The following DNAJC2 variants were observed in gnomAD, a reference collection of about 807,000 sequenced individuals.
DNAJC2 encodes the protein DnaJ heat shock protein family (Hsp40) member C2, also known as dnaJ homolog subfamily C member 2.
Under a neutral mutation model 94.0 loss-of-function variants are expected in DNAJC2, and 32 were observed. The ratio of observed to expected loss-of-function variants is 0.34; its 90% CI spans 0.26 to 0.46. The LOEUF (loss-of-function observed/expected upper bound fraction) is 0.46, where lower values mean the gene tolerates loss of function less well. Among genes scored for constraint, DNAJC2 ranks in the 20% least tolerant of loss-of-function variants. The pLI, the probability that DNAJC2 is intolerant of heterozygous loss-of-function variation, is 1.00. For synonymous variants in DNAJC2, 210 were observed against 229.7 expected, an observed-to-expected ratio of 0.91 and a Z score of 0.77; for missense variants, 550 against 719.5, an observed-to-expected ratio of 0.76 and a Z score of 2.69.
At position 103,323,681 on chromosome 7, in the gene DNAJC2, A is replaced by G; in HGVS notation, c.654-18T>C. On this transcript the variant is annotated intron_variant, in intron 6 of 16. Transcript: ENST00000379263. Reference sequence around the variant, plus strand: ...AATTATACCTAATATAGACAGAAATAATACATGATCAAGACAGAATAAATG... The same window carrying G: ...AATTATACCTAATATAGACAGAAATGATACATGATCAAGACAGAATAAATG... The G allele has an allele frequency of 7.2e-7, 1 of 1,386,834 alleles. No individual in the cohort carries two copies. Among genetic ancestry groups the G allele is most frequent in the Middle Eastern group, 1.8e-4 (1 of 5,408 alleles). The allele number at this position is 1,386,834 out of a possible 1,614,324, so 85.9% of individuals were successfully genotyped here.
Position 103,320,617 on chromosome 7 carries a change from G to A in DNAJC2, c.1084-773C>T, listed in dbSNP as rs183252822. Among the ~76,000 whole-genome samples the A allele has an allele frequency of 3.9e-3, 590 of 151,050 alleles. 3 individuals carry two copies. The highest frequency in any genetic ancestry group is 6.8e-3 in the Non-Finnish European group (460 of 67,692). ...CTACTAAAAATCCAAAAAATTAGCC[G>A]GGCGTGGTCCCAGCTACTCGGGAGG... is the stretch of plus-strand genomic sequence containing the variant. On this transcript the variant is annotated intron_variant, in intron 10 of 16. Coordinates refer to ENST00000379263, the MANE Select transcript of DNAJC2 (RefSeq NM_014377.3).
At chr7:103,344,483 C>T in intron 1 of DNAJC2, 76 bp downstream of exon 1, 3 of 1,548,610 alleles carry the variant, frequency 1.9e-6, no homozygotes, top group Non-Finnish European at 2.7e-6. Context: ...GTAGAGAGAG[C>T]CCAGGGTTGC....
chr7:103,332,636 C>T (rs1203367661), intron 3 of DNAJC2, among the ~76,000 whole-genome samples: 5 of 146,840 alleles, frequency 3.4e-5, no homozygotes, highest in Admixed American at 6.8e-5. Context: ...TTTTTTTTTG[C>T]GGGGGAGGGG....
At position 103,344,308 on chromosome 7, in the gene DNAJC2, C is replaced by T. The variant is rs982970564; in HGVS notation, c.64+251G>A. The T allele has an allele frequency of 6.9e-6, 4 of 577,564 alleles. No individual in the cohort carries two copies. The South Asian group carries it at 8.5e-5, about 12-fold the overall frequency. 35.8% of individuals were successfully genotyped at this position (577,564 alleles called of 1,614,324 possible). A position where few individuals can be genotyped will look rare whatever the true frequency, so the allele number is the denominator to read the frequency against. On this transcript the variant is annotated intron_variant, in intron 1 of 16. Coordinates refer to ENST00000379263, the MANE Select transcript of DNAJC2 (RefSeq NM_014377.3). ...TCCGTCCCGAAATGCTCAGCCCAAT[C>T]CATGAGTCAGCAGCGGCGAGAGGAG...
At chr7:103,328,373 G>A (rs1818818637) in intron 3 of DNAJC2, among the ~76,000 whole-genome samples, 1 of 151,930 alleles carries the variant, frequency 6.6e-6, no homozygotes, top group Non-Finnish European at 1.5e-5. Flanking sequence ...GCTCATGCTT[G>A]TAATCCCAGC....
intron 5 of DNAJC2, among the ~76,000 whole-genome samples, chr7:103,326,103 C>T (rs1295273216): frequency 6.6e-6 from 1 of 152,038 alleles, no homozygotes; most frequent in Non-Finnish European, 1.5e-5. Context: ...CTCCGCCTCC[C>T]GAGGAGCTGG....
intron 5 of DNAJC2, among the ~76,000 whole-genome samples, chr7:103,326,026 C>G (rs1450256769): frequency 1.3e-5 from 2 of 151,814 alleles, no homozygotes; most frequent in South Asian, 2.1e-4. Flanking sequence ...TGGAGTCTTG[C>G]TCAGTGTAGT....
chr7:103,322,653 T>A (rs770751109), intron 8 of DNAJC2, 21 bp from the exon 9 acceptor site: 1 of 1,613,112 alleles, frequency 6.2e-7, no homozygotes, highest in East Asian at 2.2e-5. Context: ...AAAAAGTTAA[T>A]CTCATTTTGA....
In DNAJC2 at chr7:103,319,529, A is replaced by G. The variant is rs149370988; in HGVS notation, c.1242+80T>C. On this transcript the variant is annotated intron_variant, in intron 12 of 16. Transcript: ENST00000379263. Reference sequence around the variant, plus strand: ...AATCAGATACTCCCTGCACTTGGTGACTTATATATTAGGTGAAGAAACAGG... The same window carrying G: ...AATCAGATACTCCCTGCACTTGGTGGCTTATATATTAGGTGAAGAAACAGG... The G allele has an allele frequency of 2.2e-4, 281 of 1,278,310 alleles. No homozygotes were observed. In the African/African-American group the frequency reaches 3.9e-3, roughly 18 times the overall value. The allele number at this position is 1,278,310 out of a possible 1,614,324, so 79.2% of individuals were successfully genotyped here.
chr7:103,344,185 T>G (rs1819504994), intron 1 of DNAJC2: 1 of 247,084 alleles, frequency 4.0e-6, no homozygotes, highest in East Asian at 8.3e-5. Flanking sequence ...GTAGCAAAGC[T>G]TTGTACGACC....
In DNAJC2 at chr7:103,312,423, T is replaced by C; in HGVS notation, c.*146A>G. On this transcript the variant is annotated 3_prime_UTR_variant, in exon 17 of 17. Transcript: ENST00000379263. ...AAAGACTACCCCTCTGAAGGTTGTT[T>C]TGTATTAATGGTCAGTCTTTGTTCT... 6.6e-7 allele frequency: 1 copy of C among 1,509,824 alleles called. No individual in the cohort carries two copies. Among genetic ancestry groups the C allele is most frequent in the Non-Finnish European group, 8.8e-7 (1 of 1,138,748 alleles). 93.5% of individuals were successfully genotyped at this position (1,509,824 alleles called of 1,614,324 possible).
Position 103,344,646 on chromosome 7 carries a change from G to C in DNAJC2, c.-24C>G. On this transcript the variant is annotated 5_prime_UTR_variant, in exon 1 of 17. Coordinates refer to ENST00000379263, the MANE Select transcript of DNAJC2 (RefSeq NM_014377.3). ...ATGATGGCGCCGGGTCTAGCCCGGT[G>C]GGCGCAGCGGCTCACGTCCCGGGCG... 6.2e-7 allele frequency: 1 copy of C among 1,604,360 alleles called. No individual in the cohort carries two copies. The highest frequency in any genetic ancestry group is 8.5e-7 in the Non-Finnish European group (1 of 1,179,270).
intron 3 of DNAJC2, among the ~76,000 whole-genome samples, chr7:103,333,515 G>A (rs73412175): frequency 2.0e-4 from 30 of 152,074 alleles, no homozygotes; most frequent in Non-Finnish European, 3.8e-4. Flanking sequence ...GAGATAAAAC[G>A]TAGATAAAAT....
At chr7:103,342,015 G>A (rs1819391493) in intron 1 of DNAJC2, 61 bp from the exon 2 acceptor site, 1 of 1,297,100 alleles carries the variant, frequency 7.7e-7, no homozygotes, top group Non-Finnish European at 1.0e-6. Context: ...ATGTTTCAAG[G>A]CAATTAATTT....
chr7:103,322,768 T>C lies in DNAJC2; in HGVS notation c.746A>G (p.Lys249Arg). ...ECRDERRWIEKQNRATRAQRK... is the reference protein window; with the variant it reads ...ECRDERRWIERQNRATRAQRK... ...TTGTGCTCTTGTTGCTCTGTTCTGC[T>C]TTTCAATCCATCTCCTCTCATCACG... is the stretch of plus-strand genomic sequence containing the variant. Residue 249 changes from lysine to arginine, a missense_variant, in exon 8 of 17, where the codon AAG (lysine) becomes AGG (arginine). By Grantham distance (26) the Lys-to-Arg change is conservative (BLOSUM62 2). Coordinates refer to ENST00000379263, the MANE Select transcript of DNAJC2 (RefSeq NM_014377.3). The C allele has an allele frequency of 6.2e-7, 1 of 1,607,150 alleles. No homozygotes were observed. The highest frequency in any genetic ancestry group is 8.5e-7 in the Non-Finnish European group (1 of 1,179,616).
At chr7:103,318,122 C>A (rs550320921) in intron 12 of DNAJC2, among the ~76,000 whole-genome samples, 40 of 152,212 alleles carry the variant, frequency 2.6e-4, no homozygotes, top group African/African-American at 8.9e-4. Flanking sequence ...TTCTGCTTTT[C>A]CTAACTGATT....
chr7:103,325,436 CAAAAT>C (rs1321508859), intron 5 of DNAJC2, among the ~76,000 whole-genome samples: 1 of 120,762 alleles, frequency 8.3e-6, no homozygotes, highest in African/African-American at 2.9e-5. Context: ...GATACTGTCT[CAAAAT>C]AAAAAAGGAA....
In DNAJC2 at chr7:103,337,939, T is replaced by C. The variant is rs1467303084; in HGVS notation, c.256-128A>G. 2.2e-5 allele frequency: 15 copies of C among 669,690 alleles called. No homozygotes were observed. The East Asian group carries it at 4.1e-4, about 18-fold the overall frequency. The allele number at this position is 669,690 out of a possible 1,614,324, so 41.5% of individuals were successfully genotyped here. ...ATCAGGAGTCCAGTAAGAGGTTCTG[T>C]ATAAACCAGGGTCTATGGTCAGGTA... On this transcript the variant is annotated intron_variant, in intron 2 of 16. Coordinates refer to ENST00000379263, the MANE Select transcript of DNAJC2 (RefSeq NM_014377.3).
chr7:103,333,521 AAAAT>A (rs1586105281), intron 3 of DNAJC2, among the ~76,000 whole-genome samples: 1 of 152,228 alleles, frequency 6.6e-6, no homozygotes, highest in Admixed American at 6.5e-5. Context: ...AAACGTAGAT[AAAAT>A]AAATGCCCAG....
Sources: allele counts gnomAD v4.1 joint callset (sites outside exome capture counted in the v4.1 genomes callset), GRCh38; gene constraint gnomAD v4.1.1; transcripts MANE v1.5; gene names NCBI Gene and HGNC (gene_info 2026-07-23, HGNC 2026-07-21).